The following STRN variants were observed in gnomAD, a reference collection of about 807,000 sequenced individuals.
The protein encoded by STRN is protein phosphatase 2 regulatory subunit B'''alpha.
In STRN, 53 loss-of-function variants were observed where a neutral mutation model predicts 96.3. That is an observed-to-expected ratio of 0.55 (90% CI 0.44 to 0.69). The LOEUF (loss-of-function observed/expected upper bound fraction) is 0.69. STRN is among the 30% of genes least tolerant of loss of function. The probability of loss-of-function intolerance (pLI) is 0.00; values close to 1 mark genes in which losing one functional copy is unlikely to be tolerated. For synonymous variants in STRN, 428 were observed against 355.9 expected (o/e 1.20, Z -2.28); for missense variants, 987 against 963.9 (o/e 1.02, Z -0.32).
At chr2:36,957,604 A>C (rs1664920503) in intron 1 of STRN, among the ~76,000 whole-genome samples, 1 of 152,070 alleles carries the variant, frequency 6.6e-6, no homozygotes. Context: ...AATAAAAAAT[A>C]AAGTGGCCCC....
At chr2:36,927,358 A>T (rs1380455374) in intron 1 of STRN, among the ~76,000 whole-genome samples, 4 of 152,066 alleles carry the variant, frequency 2.6e-5, no homozygotes, top group African/African-American at 7.2e-5. Context: ...AAATTTAAAA[A>T]ATCAGCCAGG....
At chr2:36,902,455 G>T in intron 5 of STRN, 129 bp downstream of exon 5, 1 of 586,314 alleles carries the variant, frequency 1.7e-6, no homozygotes, top group East Asian at 3.4e-5. Context: ...CAAATAAAAT[G>T]TTAGAATTTT....
At chr2:36,961,220 A>G (rs1665023335) in intron 1 of STRN, among the ~76,000 whole-genome samples, 1 of 137,272 alleles carries the variant, frequency 7.3e-6, no homozygotes, top group Non-Finnish European at 1.5e-5. Context: ...TCAACCTCCC[A>G]GGCCCAAGCA....
chr2:36,954,329 G>C (rs1465635060), intron 1 of STRN, among the ~76,000 whole-genome samples: 1 of 151,808 alleles, frequency 6.6e-6, no homozygotes, highest in East Asian at 2.0e-4. Context: ...TGGCCAATAT[G>C]GCAAAACCCT....
chr2:36,929,674 C>A (rs537034636), intron 1 of STRN, among the ~76,000 whole-genome samples: 4 of 152,140 alleles, frequency 2.6e-5, no homozygotes, highest in Non-Finnish European at 5.9e-5. Flanking sequence ...TGAGCCACCA[C>A]GCCCAGCCTT....
At chr2:36,849,647 A>G (rs1229085648) in intron 17 of STRN, 22 bp from the exon 18 acceptor site, 2 of 1,612,190 alleles carry the variant, frequency 1.2e-6, no homozygotes, top group Admixed American at 3.4e-5. Flanking sequence ...AAAAAAATTA[A>G]AAGGAAAAAT....
At chr2:36,925,045 A>G in intron 2 of STRN, 60 bp downstream of exon 2, 1 of 1,516,456 alleles carries the variant, frequency 6.6e-7, no homozygotes, top group Non-Finnish European at 9.1e-7. Context: ...AACAAGAACG[A>G]AACTCCGTCT....
intron 9 of STRN, among the ~76,000 whole-genome samples, chr2:36,883,013 T>C (rs969128781): frequency 6.6e-6 from 1 of 152,216 alleles, no homozygotes; most frequent in African/African-American, 2.4e-5. Context: ...AAAAGTTTCA[T>C]ATCAAGTCTA....
At chr2:36,961,115 CTTTTTT>C (rs551915869) in intron 1 of STRN, among the ~76,000 whole-genome samples, 4 of 60,322 alleles carry the variant, frequency 6.6e-5, no homozygotes, top group African/African-American at 3.8e-4. Context: ...CCAGGCTGCA[CTTTTTT>C]TTTTTTTTTT....
intron 3 of STRN, among the ~76,000 whole-genome samples, chr2:36,909,221 T>A (rs898560983): frequency 2.6e-5 from 4 of 151,996 alleles, no homozygotes; most frequent in African/African-American, 9.7e-5. Context: ...GCTCTTATAT[T>A]TCCTTACTCA....
chr2:36,869,795 T>C (rs1306424280), intron 10 of STRN, 66 bp from the exon 11 acceptor site: 4 of 1,284,628 alleles, frequency 3.1e-6, no homozygotes, highest in Middle Eastern at 2.0e-4. Flanking sequence ...AACTTGCATT[T>C]CAACATTAAT....
chr2:36,941,842 C>T (rs939543213), intron 1 of STRN, among the ~76,000 whole-genome samples: 1 of 151,888 alleles, frequency 6.6e-6, no homozygotes, highest in Non-Finnish European at 1.5e-5. Flanking sequence ...CGTGAGCCAC[C>T]GCACCCAGCC....
chr2:36,874,013 T>C (rs1668834627), intron 10 of STRN, among the ~76,000 whole-genome samples: 1 of 150,576 alleles, frequency 6.6e-6, no homozygotes, highest in South Asian at 2.1e-4. Flanking sequence ...CCCAGCACTC[T>C]GGGAGGCTGA....
At chr2:36,932,286 C>G (rs1194050587) in intron 1 of STRN, among the ~76,000 whole-genome samples, 1 of 151,944 alleles carries the variant, frequency 6.6e-6, no homozygotes, top group Admixed American at 6.6e-5. Context: ...TCCAGAGTAG[C>G]TGGGATTACA....
At chr2:36,912,390 C>T (rs976398754) in intron 3 of STRN, among the ~76,000 whole-genome samples, 5 of 152,190 alleles carry the variant, frequency 3.3e-5, no homozygotes, top group African/African-American at 9.7e-5. Context: ...CACCTCTCTC[C>T]TTAAGTTCTC....
At position 36,966,324 on chromosome 2, in the gene STRN, T is replaced by C; in HGVS notation, c.140A>G (p.Tyr47Cys). Reference sequence around the variant, plus strand: ...GAAGTGCAGGATCCCCGGGAGACTGTACTGGGCTCGGGCCGCCCCCGCCGC... The same window carrying C: ...GAAGTGCAGGATCCCCGGGAGACTGCACTGGGCTCGGGCCGCCCCCGCCGC... Reference protein sequence around the residue: ...AAAAGAARAQYSLPGILHFLQ... With the variant: ...AAAAGAARAQCSLPGILHFLQ... Residue 47 changes from tyrosine (Y) to cysteine (C), a missense_variant, in exon 1 of 18, where the codon TAC becomes TGC. Tyr to Cys is a radical substitution (Grantham distance 194). Transcript: ENST00000263918. The C allele has an allele frequency of 6.6e-7, 1 of 1,518,880 alleles. No individual in the cohort carries two copies. Among genetic ancestry groups the C allele is most frequent in the Non-Finnish European group, 8.8e-7 (1 of 1,135,766 alleles). 94.1% of individuals were successfully genotyped at this position (1,518,880 alleles called of 1,614,324 possible).
intron 3 of STRN, among the ~76,000 whole-genome samples, chr2:36,911,737 T>A (rs180746531): frequency 2.0e-5 from 3 of 152,150 alleles, no homozygotes; most frequent in Non-Finnish European, 2.9e-5. Context: ...CTTTGTCAAA[T>A]TTTTTTGTCC....
rs13390099 is a variant in STRN, at chr2:36,924,862, G to C, written c.338+243C>G. On this transcript the variant is annotated intron_variant, in intron 2 of 17. Transcript: ENST00000263918. ...ACCTGAGGTCAGGAATTCGAGACCAGCCTGACCAACATGGGGAAACCATGA... is the reference window on the plus strand; with the variant it reads ...ACCTGAGGTCAGGAATTCGAGACCACCCTGACCAACATGGGGAAACCATGA... Among the ~76,000 whole-genome samples the C allele has an allele frequency of 9.2e-3, 1,396 of 152,288 alleles. 26 individuals are homozygous for C. Among genetic ancestry groups the C allele is most frequent in the African/African-American group, 0.032 (1,337 of 41,558 alleles).
chr2:36,915,840 C>T (rs1384309513), intron 3 of STRN, among the ~76,000 whole-genome samples: 1 of 152,066 alleles, frequency 6.6e-6, no homozygotes, highest in East Asian at 1.9e-4. Flanking sequence ...CTGATCCTTC[C>T]AGTAAGTGTA....
Sources: gnomAD v4.1 joint callset for allele counts (sites outside exome capture counted in the v4.1 genomes callset) on GRCh38, gnomAD v4.1.1 for gene constraint, MANE v1.5 for transcripts, NCBI Gene and HGNC (gene_info 2026-07-23, HGNC 2026-07-21) for gene names.